The following SGTA variants were observed in gnomAD, a reference collection of about 807,000 sequenced individuals.
SGTA encodes the protein small glutamine-rich tetratricopeptide repeat-containing protein alpha.
Under a neutral mutation model 44.3 loss-of-function variants are expected in SGTA, and 22 were observed. The observed-to-expected ratio is 0.50, with a 90% CI of 0.36 to 0.71. The LOEUF (loss-of-function observed/expected upper bound fraction) is 0.71, where lower values mean the gene tolerates loss of function less well. Among genes scored for constraint, SGTA ranks in the 30% least tolerant of loss-of-function variants. The pLI is 0.00. For synonymous variants in SGTA, 174 were observed against 177.6 expected (o/e 0.98, Z 0.16); for missense variants, 341 against 435.9 (o/e 0.78, Z 1.94).
chr19:2,772,116 C>T (rs912068649), intron 1 of SGTA, among the ~76,000 whole-genome samples: 3 of 152,222 alleles, frequency 2.0e-5, no homozygotes, highest in East Asian at 1.9e-4. Context: ...TGTGCCAAGA[C>T]GCATGAGGCA....
At position 2,761,867 on chromosome 19, in the gene SGTA, A is replaced by C. The variant is rs550141649; in HGVS notation, c.637-345T>G. On this transcript the variant is annotated intron_variant, in intron 7 of 11. Transcript: ENST00000221566. This position sits in a 1 kb window ranked among gnomAD's most constrained non-coding sequence, Gnocchi z 5.7. ...CGACCGCCCGGGGACGGCACAGTCT[A>C]TCATCCCGTGTTTATTCCCCGTACA... Among the ~76,000 whole-genome samples, 33 of 131,168 alleles carry C rather than the reference A, an allele frequency of 2.5e-4. 1 individual carries two copies. The highest frequency in any genetic ancestry group is 9.8e-4 in the African/African-American group (32 of 32,618). The allele number at this position is 131,168 out of a possible 152,430, so 86.1% of individuals were successfully genotyped here.
rs1293918252 is a variant in SGTA at position 2,755,721 on chromosome 19, T to A, written c.*219A>T. 4.1e-6 allele frequency: 4 copies of A among 985,336 alleles called. No individual in the cohort carries two copies. The highest frequency in any genetic ancestry group is 6.2e-5 in the Admixed American group (1 of 16,246). The allele number at this position is 985,336 out of a possible 1,614,324, so 61.0% of individuals were successfully genotyped here. A position where few individuals can be genotyped will look rare whatever the true frequency, so the allele number is the denominator to read the frequency against. On this transcript the variant is annotated 3_prime_UTR_variant, in exon 12 of 12. Coordinates refer to ENST00000221566, the MANE Select transcript of SGTA (RefSeq NM_003021.4). This position sits in a 1 kb window ranked among gnomAD's most constrained non-coding sequence, Gnocchi z 5.2. ...CGCTGCTGGTCTGTGCTCAGCTTGC[T>A]GGCTCTCGTTTCAAGAAGGGTCTGG...
chr19:2,778,374 C>T (rs1325574033), intron 1 of SGTA, among the ~76,000 whole-genome samples: 2 of 152,102 alleles, frequency 1.3e-5, no homozygotes, highest in East Asian at 3.8e-4. Flanking sequence ...TGGCTAGGGA[C>T]CCAATGAGGG....
chr19:2,759,425 T>C (rs1914922165), intron 8 of SGTA, 131 bp from the exon 9 acceptor site: 1 of 804,932 alleles, frequency 1.2e-6, no homozygotes, highest in East Asian at 2.5e-5. Context: ...GAGCCGGGCA[T>C]TCGGTCTTTC....
chr19:2,767,434 G>T lies in SGTA; in HGVS notation c.207+146C>A. On this transcript the variant is annotated intron_variant, in intron 3 of 11. Coordinates refer to ENST00000221566, the MANE Select transcript of SGTA (RefSeq NM_003021.4). The surrounding 1 kb of genome is among the most constrained non-coding windows in gnomAD (Gnocchi z 7.3). Reference sequence around the variant, plus strand: ...GCCGATAGGGGGAGGAGGGCCAAGTGCTCCTGCAGCCACGTCCCCAGCCCA... The same window carrying T: ...GCCGATAGGGGGAGGAGGGCCAAGTTCTCCTGCAGCCACGTCCCCAGCCCA... The T allele has an allele frequency of 1.3e-6, 1 of 761,396 alleles. No homozygotes were observed. Among genetic ancestry groups the T allele is most frequent in the Non-Finnish European group, 2.2e-6 (1 of 454,838 alleles). 47.2% of individuals were successfully genotyped at this position (761,396 alleles called of 1,614,324 possible).
In SGTA at chr19:2,779,875, C is replaced by A. The variant is rs534501935; in HGVS notation, c.-24+3358G>T. On this transcript the variant is annotated intron_variant, in intron 1 of 11. Coordinates refer to ENST00000221566, the MANE Select transcript of SGTA (RefSeq NM_003021.4). ...ATCGCTTGAGTCCAGGTGTTTAAGA[C>A]CAGCTTGGGCAATACAGTGTATAGT... Among the ~76,000 whole-genome samples the A allele has an allele frequency of 2.6e-5, 4 of 152,196 alleles. No individual in the cohort carries two copies. The South Asian group carries it at 6.2e-4, about 24-fold the overall frequency.
rs1282617433 is a variant in SGTA at position 2,763,611 on chromosome 19, T to TC, written c.497+41dup. The TC allele has an allele frequency of 7.3e-7, 1 of 1,376,798 alleles. No homozygotes were observed. The highest frequency in any genetic ancestry group is 1.0e-6 in the Non-Finnish European group (1 of 980,018). 85.3% of individuals were successfully genotyped at this position (1,376,798 alleles called of 1,614,324 possible). ...GGAAGCAGGAGCAGGAGAGGAGGGGTCCCGAGAGACTGGAAAGGCGCGGCC... is the reference window on the plus strand; with the variant it reads ...GGAAGCAGGAGCAGGAGAGGAGGGGTCCCCGAGAGACTGGAAAGGCGCGGCC... On this transcript the variant is annotated intron_variant, in intron 6 of 11. Transcript: ENST00000221566. This position sits in a 1 kb window ranked among gnomAD's most constrained non-coding sequence, Gnocchi z 5.8.
intron 1 of SGTA, chr19:2,770,790 C>G (rs866420425): frequency 6.5e-6 from 1 of 153,224 alleles, no homozygotes; most frequent in Non-Finnish European, 1.5e-5. Flanking sequence ...AGGTGAGGCT[C>G]GCTGGCCCCC....
At chr19:2,759,106 G>A in intron 9 of SGTA, 151 bp downstream of exon 9, 1 of 661,644 alleles carries the variant, frequency 1.5e-6, no homozygotes, top group South Asian at 2.0e-5. Flanking sequence ...ATGACAGTGT[G>A]ATAGTGGTGA....
rs946988591 is a variant in SGTA at position 2,765,917 on chromosome 19, C to G, written c.293-632G>C. Among the ~76,000 whole-genome samples the G allele has an allele frequency of 1.3e-5, 2 of 152,202 alleles. No individual in the cohort carries two copies. Among genetic ancestry groups the G allele is most frequent in the African/African-American group, 4.8e-5 (2 of 41,452 alleles). ...GAGATATAATTTACATGCCACAAAG[C>G]TTACGCTTTAAAAATATAAGCCCGG... On this transcript the variant is annotated intron_variant, in intron 4 of 11. Coordinates refer to ENST00000221566, the MANE Select transcript of SGTA (RefSeq NM_003021.4). The surrounding 1 kb of genome is among the most constrained non-coding windows in gnomAD (Gnocchi z 5.5).
In SGTA at chr19:2,765,134, G is replaced by A. The variant is rs572507323; in HGVS notation, c.392+52C>T. On this transcript the variant is annotated intron_variant, in intron 5 of 11. Transcript: ENST00000221566. The surrounding 1 kb of genome is among the most constrained non-coding windows in gnomAD (Gnocchi z 5.5). ...TCAGGTCCCTGCTAAGCATCCCGGAGGACGCCCCCGCACCCGGCCGCCCCT... is the reference window on the plus strand; with the variant it reads ...TCAGGTCCCTGCTAAGCATCCCGGAAGACGCCCCCGCACCCGGCCGCCCCT... 5.4e-6 allele frequency: 7 copies of A among 1,299,166 alleles called. No homozygotes were observed. The highest frequency in any genetic ancestry group is 2.3e-5 in the East Asian group (1 of 43,436). The allele number at this position is 1,299,166 out of a possible 1,614,324, so 80.5% of individuals were successfully genotyped here. A position where few individuals can be genotyped will look rare whatever the true frequency, so the allele number is the denominator to read the frequency against.
intron 1 of SGTA, among the ~76,000 whole-genome samples, chr19:2,772,142 G>T (rs1173875702): frequency 6.6e-6 from 1 of 152,228 alleles, no homozygotes. Context: ...CAGGCCTGAG[G>T]CCTCAGGAGC....
chr19:2,769,378 G>A (rs1915236623), intron 1 of SGTA, among the ~76,000 whole-genome samples: 1 of 152,136 alleles, frequency 6.6e-6, no homozygotes, highest in Non-Finnish European at 1.5e-5. Flanking sequence ...GCACTCCCAG[G>A]GTGGTACTGA....
intron 1 of SGTA, among the ~76,000 whole-genome samples, chr19:2,771,699 T>C (rs1568311747): frequency 1.3e-5 from 2 of 152,200 alleles, no homozygotes; most frequent in Non-Finnish European, 2.9e-5. Context: ...GCTGAGGCTA[T>C]TCCAGAAACG....
At position 2,761,601 on chromosome 19, in the gene SGTA, C is replaced by CG. The variant is rs1914991632; in HGVS notation, c.637-80dup. The stretch of plus-strand genomic sequence containing the variant: ...ATAACCCCCTGGAACTCAGAAACAA[C>CG]GGCCCCCCACGGGGCTCAGACATTC... On this transcript the variant is annotated intron_variant, in intron 7 of 11. Coordinates refer to ENST00000221566, the MANE Select transcript of SGTA (RefSeq NM_003021.4). This position sits in a 1 kb window ranked among gnomAD's most constrained non-coding sequence, Gnocchi z 5.7. The CG allele has an allele frequency of 1.7e-6, 2 of 1,164,154 alleles. No individual in the cohort carries two copies. The highest frequency in any genetic ancestry group is 2.5e-6 in the Non-Finnish European group (2 of 799,164). The allele number at this position is 1,164,154 out of a possible 1,614,324, so 72.1% of individuals were successfully genotyped here.
In SGTA at chr19:2,755,591, C is replaced by A; in HGVS notation, c.*349G>T. ...TTTGGAAGCCACACGATCCGCCACA[C>A]GGCTGAACGTGAAACCTGCCACTTC... On this transcript the variant is annotated 3_prime_UTR_variant, in exon 12 of 12. Transcript: ENST00000221566. This position sits in a 1 kb window ranked among gnomAD's most constrained non-coding sequence, Gnocchi z 5.2. 1 of 985,606 alleles carries A rather than the reference C, an allele frequency of 1.0e-6. No individual in the cohort carries two copies. The highest frequency in any genetic ancestry group is 1.2e-6 in the Non-Finnish European group (1 of 830,034). The allele number at this position is 985,606 out of a possible 1,614,324, so 61.1% of individuals were successfully genotyped here.
chr19:2,765,352 G>A lies in SGTA; in HGVS notation c.293-67C>T, dbSNP rs998823104. 26 of 1,198,278 alleles carry A rather than the reference G, an allele frequency of 2.2e-5. No individual in the cohort carries two copies. The highest frequency in any genetic ancestry group is 3.0e-5 in the African/African-American group (2 of 66,806). 74.2% of individuals were successfully genotyped at this position (1,198,278 alleles called of 1,614,324 possible). ...ACCGGAGGGGGTGTCAGGGAGAGAG[G>A]AAAACACCGGCCTGGTGTCCACACA... On this transcript the variant is annotated intron_variant, in intron 4 of 11. Transcript: ENST00000221566. This position sits in a 1 kb window ranked among gnomAD's most constrained non-coding sequence, Gnocchi z 5.5.
intron 9 of SGTA, among the ~76,000 whole-genome samples, chr19:2,758,833 G>A (rs562327041): frequency 6.6e-6 from 1 of 152,224 alleles, no homozygotes; most frequent in Admixed American, 6.5e-5. Context: ...CCAGGCCCCA[G>A]CACACATGCA....
rs895298424 is a variant in SGTA, at chr19:2,755,631, G to A, written c.*309C>T. On this transcript the variant is annotated 3_prime_UTR_variant, in exon 12 of 12. Coordinates refer to ENST00000221566, the MANE Select transcript of SGTA (RefSeq NM_003021.4). This position sits in a 1 kb window ranked among gnomAD's most constrained non-coding sequence, Gnocchi z 5.2. ...CCTGCCACTTCTCTGAGAGCGGCCC[G>A]GGAGCACCCCAGGATTCTAGAAAAC... 1.3e-5 allele frequency: 13 copies of A among 985,392 alleles called. No homozygotes were observed. In the East Asian group the frequency reaches 4.5e-4, roughly 34 times the overall value. The allele number at this position is 985,392 out of a possible 1,614,324, so 61.0% of individuals were successfully genotyped here.
Sources: allele counts gnomAD v4.1 joint callset (sites outside exome capture counted in the v4.1 genomes callset), GRCh38; gene constraint gnomAD v4.1.1; non-coding constraint Gnocchi (gnomAD v3.1); transcripts MANE v1.5; gene names NCBI Gene and HGNC (gene_info 2026-07-23, HGNC 2026-07-21).